The following SYT1 variants were observed in gnomAD, a reference collection of about 807,000 sequenced individuals.
SYT1 encodes synaptotagmin 1.
SYT1 carries 8 observed loss-of-function variants against 44.8 expected under a neutral mutation model. That is an observed-to-expected ratio of 0.18 (90% CI 0.10 to 0.32). The LOEUF is 0.32. SYT1 is among the 10% of genes least tolerant of loss of function. The pLI is 1.00. For synonymous variants in SYT1, 154 were observed against 188.8 expected, an observed-to-expected ratio of 0.82 and a Z score of 1.51; for missense variants, 286 against 509.3, an observed-to-expected ratio of 0.56 and a Z score of 4.22.
At chr12:79,140,748 A>G (rs1445016187) in intron 3 of SYT1, among the ~76,000 whole-genome samples, 1 of 152,222 alleles carries the variant, frequency 6.6e-6, no homozygotes, top group African/African-American at 2.4e-5. Flanking sequence ...CTTTAATATT[A>G]TACTGCATCC....
At chr12:79,046,543 AGCAATTCTTAATGTT>A (rs1592697557) in intron 2 of SYT1, 2 of 152,140 alleles carry the variant, frequency 1.3e-5, no homozygotes, top group East Asian at 3.8e-4. Context: ...ATTACATTAA[AGCAATTCTTAATGTT>A]GCCTCTTGAG....
intron 3 of SYT1, among the ~76,000 whole-genome samples, chr12:79,052,426 C>T (rs535112188): frequency 1.3e-5 from 2 of 152,204 alleles, no homozygotes; most frequent in South Asian, 2.1e-4. Context: ...TAGACGATAC[C>T]ATTCAGGACA....
chr12:79,088,491 C>T (rs958622643), intron 3 of SYT1, among the ~76,000 whole-genome samples: 2 of 151,862 alleles, frequency 1.3e-5, no homozygotes, highest in African/African-American at 4.8e-5. Flanking sequence ...GTGGCCAGAG[C>T]GGAGTGGCTG....
chr12:79,426,592 G>C (rs1172186068), intron 9 of SYT1, among the ~76,000 whole-genome samples: 1 of 152,146 alleles, frequency 6.6e-6, no homozygotes, highest in East Asian at 1.9e-4. Flanking sequence ...CATGTGTCTT[G>C]CAATATTGTA....
At chr12:79,251,028 A>G (rs1877180664) in intron 4 of SYT1, among the ~76,000 whole-genome samples, 1 of 152,128 alleles carries the variant, frequency 6.6e-6, no homozygotes, top group African/African-American at 2.4e-5. Flanking sequence ...CAATGTGGAA[A>G]TACATCAGTA....
chr12:79,131,621 A>G (rs941036211), intron 3 of SYT1, among the ~76,000 whole-genome samples: 2 of 152,238 alleles, frequency 1.3e-5, no homozygotes, highest in Admixed American at 6.5e-5. Flanking sequence ...GACAGCATGT[A>G]TAATCAGATG....
At chr12:79,181,977 G>A (rs537954604) in intron 3 of SYT1, among the ~76,000 whole-genome samples, 1 of 151,926 alleles carries the variant, frequency 6.6e-6, no homozygotes, top group Non-Finnish European at 1.5e-5. Flanking sequence ...AATTTATAAT[G>A]TTTTAAATCT....
intron 4 of SYT1, among the ~76,000 whole-genome samples, chr12:79,232,786 T>G (rs545552399): frequency 6.6e-6 from 1 of 152,296 alleles, no homozygotes; most frequent in East Asian, 1.9e-4. Flanking sequence ...ATTATTATTC[T>G]CCTTTAGCTC....
intron 1 of SYT1, among the ~76,000 whole-genome samples, chr12:78,966,153 A>G (rs932257380): frequency 1.3e-5 from 2 of 151,952 alleles, no homozygotes; most frequent in African/African-American, 4.8e-5. Context: ...TTTTTTTACT[A>G]TATCTATTTT....
intron 4 of SYT1, among the ~76,000 whole-genome samples, chr12:79,257,482 G>GTTTTGT (rs1877585569): frequency 6.6e-6 from 1 of 152,124 alleles, no homozygotes; most frequent in South Asian, 2.1e-4. Flanking sequence ...GTTTTGTTTT[G>GTTTTGT]TTTTGTTTTT....
At chr12:79,437,253 A>C (rs1219207005) in intron 9 of SYT1, among the ~76,000 whole-genome samples, 2 of 152,210 alleles carry the variant, frequency 1.3e-5, no homozygotes, top group Non-Finnish European at 2.9e-5. Context: ...GATCAAATAT[A>C]GCTTTAATAA....
At chr12:79,018,666 G>A (rs893117961) in intron 2 of SYT1, among the ~76,000 whole-genome samples, 2 of 152,008 alleles carry the variant, frequency 1.3e-5, no homozygotes, top group African/African-American at 2.4e-5. Flanking sequence ...ACTTGAGGGT[G>A]GAGACTTTCT....
intron 3 of SYT1, among the ~76,000 whole-genome samples, chr12:79,213,147 A>T (rs1874564144): frequency 6.6e-6 from 1 of 152,204 alleles, no homozygotes; most frequent in African/African-American, 2.4e-5. Flanking sequence ...TTTAGTGATA[A>T]AGAATAGAGT....
chr12:79,029,928 TCA>T (rs920769814), intron 2 of SYT1, among the ~76,000 whole-genome samples: 7 of 151,100 alleles, frequency 4.6e-5, no homozygotes, highest in African/African-American at 7.3e-5. Context: ...GCTTCACCAT[TCA>T]CAGTTTTCCT....
At chr12:79,244,750 T>C (rs1278390452) in intron 4 of SYT1, among the ~76,000 whole-genome samples, 2 of 151,818 alleles carry the variant, frequency 1.3e-5, no homozygotes, top group Non-Finnish European at 2.9e-5. Context: ...TCCATGGTTA[T>C]ATTAACCTTC....
At chr12:78,928,989 G>A (rs944786943) in intron 1 of SYT1, among the ~76,000 whole-genome samples, 5 of 151,870 alleles carry the variant, frequency 3.3e-5, no homozygotes, top group Non-Finnish European at 4.4e-5. Flanking sequence ...TGAACTGTGC[G>A]AATCTTCTTA....
At chr12:78,897,681 G>A (rs987433766) in intron 1 of SYT1, among the ~76,000 whole-genome samples, 1 of 152,028 alleles carries the variant, frequency 6.6e-6, no homozygotes, top group Admixed American at 6.6e-5. Flanking sequence ...CTATGCTAGG[G>A]CTTTACATCT....
At chr12:79,244,190 T>C (rs1235874333) in intron 4 of SYT1, among the ~76,000 whole-genome samples, 2 of 152,190 alleles carry the variant, frequency 1.3e-5, no homozygotes, top group Non-Finnish European at 2.9e-5. Context: ...TGGCCAAAAA[T>C]TAAGATGCTT....
chr12:79,244,102 AC>A (rs1388803756), intron 4 of SYT1, among the ~76,000 whole-genome samples: 2 of 152,176 alleles, frequency 1.3e-5, no homozygotes, highest in African/African-American at 4.8e-5. Flanking sequence ...TGATCAATTC[AC>A]CTTGATTCCA....
Sources: gnomAD v4.1 joint callset for allele counts (sites outside exome capture counted in the v4.1 genomes callset) on GRCh38, gnomAD v4.1.1 for gene constraint, MANE v1.5 for transcripts, NCBI Gene and HGNC (gene_info 2026-07-23, HGNC 2026-07-21) for gene names.